The following ELN variants were observed in gnomAD, a reference collection of about 807,000 sequenced individuals.
ELN encodes tropoelastin.
ELN carries 65 observed loss-of-function variants against 105.8 expected under a neutral mutation model. That is an observed-to-expected ratio of 0.61 (90% CI 0.50 to 0.75). The LOEUF (loss-of-function observed/expected upper bound fraction) is 0.75. Among genes scored for constraint, ELN ranks in the 30% least tolerant of loss-of-function variants. The pLI, the probability that ELN is intolerant of heterozygous loss-of-function variation, is 0.00. For missense variants in ELN, 882 were observed against 969.4 expected, an observed-to-expected ratio of 0.91 and a Z score of 1.20; for synonymous variants, 368 against 389.2, an observed-to-expected ratio of 0.95 and a Z score of 0.64.
At chr7:74,043,705 T>C in intron 8 of ELN, 174 bp from the exon 9 acceptor site, 1 of 773,078 alleles carries the variant, frequency 1.3e-6, no homozygotes, top group East Asian at 2.7e-5. Flanking sequence ...TGCAGATGAC[T>C]TCCGAAACTC....
chr7:74,067,933 CAAA>C (rs782107951), intron 32 of ELN, among the ~76,000 whole-genome samples: 1 of 19,886 alleles, frequency 5.0e-5, no homozygotes, highest in African/African-American at 1.3e-4. Context: ...GATTGCGTCT[CAAA>C]AAAAAAAAAA....
chr7:74,068,666 G>T lies in ELN; in HGVS notation c.2141G>T (p.Cys714Phe), dbSNP rs199469621. ...ACCTCCTCCCGTCCAGGTGGGGCCT[G>T]CCTGGGGAAAGCTTGTGGCCGGAAG... is the stretch of plus-strand genomic sequence containing the variant. ...GLSPIFPGGA[C>F]LGKACGRKRK The change falls in exon 33 of 33, where the codon TGC becomes TTC. Residue 714 changes from cysteine (C) to phenylalanine (F), a missense_variant. Coordinates refer to ENST00000252034, the MANE Select transcript of ELN (RefSeq NM_000501.4). 6.2e-7 allele frequency: 1 copy of T among 1,614,002 alleles called. No individual in the cohort carries two copies. Among genetic ancestry groups the T allele is most frequent in the Non-Finnish European group, 8.5e-7 (1 of 1,180,014 alleles).
chr7:74,059,541 G>A (rs915549962), intron 22 of ELN: 59 of 402,088 alleles, frequency 1.5e-4, no homozygotes, highest in South Asian at 4.0e-4. Flanking sequence ...AAAATTAGCC[G>A]GGCATGGTGG....
rs1188484295 is a variant in ELN at position 74,043,028 on chromosome 7, T to C, written c.370T>C (p.Ser124Pro). 5 of 1,613,976 alleles carry C rather than the reference T, an allele frequency of 3.1e-6. No homozygotes were observed. The highest frequency in any genetic ancestry group is 4.2e-6 in the Non-Finnish European group (5 of 1,180,012). Residue 124 changes from serine to proline, a missense_variant, in exon 7 of 33, where the codon TCT becomes CCT. Transcript: ENST00000252034. The stretch of plus-strand genomic sequence containing the variant: ...CCCAGGAGTTGGTGGCTTAGGAGTG[T>C]CTGCAGGTACGATGGCTATCCCCGA... Reference protein sequence around the residue: ...GVPGVGGLGVSAGAVVPQPGA... With the variant: ...GVPGVGGLGVPAGAVVPQPGA...
chr7:74,048,052 A>G, intron 13 of ELN, 90 bp from the exon 14 acceptor site: 1 of 1,521,838 alleles, frequency 6.6e-7, no homozygotes, highest in East Asian at 2.3e-5. Flanking sequence ...GACTCAGGAC[A>G]GCTTGGGCCC....
intron 1 of ELN, among the ~76,000 whole-genome samples, chr7:74,030,072 C>A (rs1172752879): frequency 2.0e-5 from 3 of 152,210 alleles, no homozygotes; most frequent in African/African-American, 7.2e-5. Context: ...CCCAGCTGGC[C>A]TCACACTTTG....
rs552147776 is a variant in ELN at position 74,056,326 on chromosome 7, G to T, written c.1206G>T (p.Gly402=). The T allele has an allele frequency of 2.0e-5, 32 of 1,614,124 alleles. 1 individual carries two copies. In the South Asian group the frequency reaches 3.4e-4, roughly 17 times the overall value. Residue 402 remains glycine, a synonymous_variant, in exon 20 of 33, where the codon GGG becomes GGT. Transcript: ENST00000252034. The part of the protein sequence containing the change: ...GGIPTYGVGA[G]GFPGFGVGVG... ...TTCCTACTTACGGGGTTGGAGCTGG[G>T]GGCTTTCCCGGCTTTGGTGTCGGAG...
rs1484630942 is a variant in ELN, at chr7:74,060,033, C to G, written c.1562C>G (p.Pro521Arg). Residue 521 changes from proline (P) to arginine (R), a missense_variant, in exon 23 of 33, where the codon CCT becomes CGT. Transcript: ENST00000252034. ...GTTGGCGTGGCTCCCGGCATTGGCC[C>G]TGGTGGAGTTGCAGGTGAGTTTCAT... ...PGVGVAPGIGPGGVAAAAKSA... is the reference protein window; with the variant it reads ...PGVGVAPGIGRGGVAAAAKSA... 2 of 1,614,052 alleles carry G rather than the reference C, an allele frequency of 1.2e-6. No individual in the cohort carries two copies. Among genetic ancestry groups the G allele is most frequent in the South Asian group, 1.1e-5 (1 of 91,070 alleles).
At chr7:74,056,121 C>A in intron 19 of ELN, 150 bp from the exon 20 acceptor site, 1 of 993,244 alleles carries the variant, frequency 1.0e-6, no homozygotes, top group Non-Finnish European at 1.6e-6. Context: ...GGTGGAGGTG[C>A]TGGGGACCCA....
At position 74,069,739 on chromosome 7, in the gene ELN, GA is replaced by G. The variant is rs200584164; in HGVS notation, c.*1048del. On this transcript the variant is annotated 3_prime_UTR_variant, in exon 33 of 33. Transcript: ENST00000252034. ...TTTGGTTTTATTGTTGTGGTTCATT[GA>G]AAAAAAAAGATAATTTTTTTTTCTG... 1.2e-4 allele frequency: 27 copies of G among 224,942 alleles called. No individual in the cohort carries two copies. The highest frequency in any genetic ancestry group is 3.2e-4 in the East Asian group (5 of 15,820). The allele number at this position is 224,942 out of a possible 1,614,324, so 13.9% of individuals were successfully genotyped here. A position where few individuals can be genotyped will look rare whatever the true frequency, so the allele number is the denominator to read the frequency against.
At chr7:74,028,943 G>T (rs982306821) in intron 1 of ELN, among the ~76,000 whole-genome samples, 1 of 152,146 alleles carries the variant, frequency 6.6e-6, no homozygotes. Context: ...GCACAGGTGT[G>T]CATGTGTTCA....
rs140362653 is a variant in ELN at position 74,064,962 on chromosome 7, C to T, written c.1994-732C>T. Among the ~76,000 whole-genome samples the T allele has an allele frequency of 2.0e-4, 31 of 152,022 alleles. No homozygotes were observed. The East Asian group carries it at 4.3e-3, about 21-fold the overall frequency. Reference sequence around the variant, plus strand: ...GCTTAACAATTAAGACTTTTGGGGCCGGGCATGGTGGCTCATGCCTGTAAT... The same window carrying T: ...GCTTAACAATTAAGACTTTTGGGGCTGGGCATGGTGGCTCATGCCTGTAAT... On this transcript the variant is annotated intron_variant, in intron 29 of 32. Coordinates refer to ENST00000252034, the MANE Select transcript of ELN (RefSeq NM_000501.4).
In ELN at chr7:74,036,549, C is replaced by T. The variant is rs368904789; in HGVS notation, c.134-6C>T. ...GATCTCTCTTTCTCTTTCTCTCCCC[C>T]CACAGGGGCTGGTCTCGGAGCCCTT... On this transcript the variant is annotated splice_polypyrimidine_tract_variant and splice_region_variant and intron_variant, in intron 2 of 32. Transcript: ENST00000252034. The T allele has an allele frequency of 6.2e-7, 1 of 1,614,048 alleles. No homozygotes were observed. The highest frequency in any genetic ancestry group is 8.5e-7 in the Non-Finnish European group (1 of 1,180,024).
intron 5 of ELN, among the ~76,000 whole-genome samples, chr7:74,042,043 A>G (rs1192265856): frequency 2.6e-5 from 4 of 151,578 alleles, no homozygotes; most frequent in Non-Finnish European, 5.9e-5. Flanking sequence ...CCCAGCCACA[A>G]GACCCCATCT....
At chr7:74,062,846 C>T (rs1247643667) in intron 26 of ELN, among the ~76,000 whole-genome samples, 1 of 152,092 alleles carries the variant, frequency 6.6e-6, no homozygotes, top group African/African-American at 2.4e-5. Context: ...CCACCGCACC[C>T]GGCTTACAAA....
Position 74,047,662 on chromosome 7 carries a change from G to A in ELN, c.644-13G>A. ...ATGGGGCAGCCCCTGAGTTTGCTCT[G>A]TCCTCTCTCCAGGTGGCTATGGACT... On this transcript the variant is annotated splice_polypyrimidine_tract_variant and intron_variant, in intron 12 of 32. Transcript: ENST00000252034. 1 of 1,614,170 alleles carries A rather than the reference G, an allele frequency of 6.2e-7. No homozygotes were observed. The highest frequency in any genetic ancestry group is 8.5e-7 in the Non-Finnish European group (1 of 1,180,004).
intron 17 of ELN, chr7:74,052,745 C>T (rs1398700494): frequency 3.7e-4 from 56 of 151,014 alleles, no homozygotes; most frequent in Non-Finnish European, 1.3e-4. Context: ...GAGAGAGAGG[C>T]AGGAAGGAAA....
chr7:74,047,976 A>G (rs953977254), intron 13 of ELN, among the ~76,000 whole-genome samples, 166 bp from the exon 14 acceptor site: 2 of 152,148 alleles, frequency 1.3e-5, no homozygotes, highest in African/African-American at 4.8e-5. Context: ...CATCTGTAAA[A>G]TGGACATAAC....
chr7:74,058,669 G>A (rs1056653254), intron 22 of ELN, among the ~76,000 whole-genome samples: 1 of 152,052 alleles, frequency 6.6e-6, no homozygotes, highest in Non-Finnish European at 1.5e-5. Flanking sequence ...AGTACTTCTT[G>A]TTCCCCATCT....
Sources: gnomAD v4.1 joint callset for allele counts (sites outside exome capture counted in the v4.1 genomes callset) on GRCh38, gnomAD v4.1.1 for gene constraint, MANE v1.5 for transcripts, NCBI Gene and HGNC (gene_info 2026-07-23, HGNC 2026-07-21) for gene names.